Variants in POLR2F observed in about 807,000 individuals in gnomAD.
POLR2F encodes RNA polymerase II, I and III subunit F.
Under a neutral mutation model 22.7 loss-of-function variants are expected in POLR2F, and 12 were observed. The observed-to-expected ratio is 0.53, with a 90% CI of 0.34 to 0.86. The LOEUF is 0.86. Among genes scored for constraint, POLR2F ranks in the 40% least tolerant of loss-of-function variants. POLR2F has a pLI of 0.02. For synonymous variants in POLR2F, 57 were observed against 66.0 expected (o/e 0.86, Z 0.66); for missense variants, 126 against 171.5 (o/e 0.73, Z 1.48).
chr22:38,034,936 C>A (rs1428172422), intron 5 of POLR2F, among the ~76,000 whole-genome samples: 1 of 149,534 alleles, frequency 6.7e-6, no homozygotes, highest in African/African-American at 2.4e-5. Context: ...ACCCCAGCCT[C>A]CCCACCCCAC....
intron 1 of POLR2F, among the ~76,000 whole-genome samples, chr22:38,009,187 G>A (rs1313636743): frequency 6.6e-6 from 1 of 152,212 alleles, no homozygotes; most frequent in Non-Finnish European, 1.5e-5. Flanking sequence ...GAAGAGATTC[G>A]AGGGACCACC....
chr22:37,967,538 G>C lies in POLR2F; in HGVS notation c.294-87G>C, dbSNP rs1321447995. ...GAGGCTGCTCCTAAGACTTCTCTTT[G>C]CTTGTGTTTTGCACACAATCTGTTC... On this transcript the variant is annotated intron_variant, in intron 4 of 4. Transcript: ENST00000442738. 1.9e-6 allele frequency: 3 copies of C among 1,560,724 alleles called. No homozygotes were observed. In the African/African-American group the frequency reaches 4.1e-5, roughly 21 times the overall value.
At chr22:37,971,583 A>G (rs751092301), downstream of POLR2F, among the ~76,000 whole-genome samples, 52 of 152,196 alleles carry the variant, frequency 3.4e-4, 1 homozygote, top group Middle Eastern at 3.4e-3. Flanking sequence ...AGACTGTCTG[A>G]CATCCTTGGT....
At chr22:37,977,781 G>A (rs992706304) in intron 4 of POLR2F, 34 of 1,423,032 alleles carry the variant, frequency 2.4e-5, no homozygotes, top group African/African-American at 2.8e-5. Flanking sequence ...GCTCTCCCTA[G>A]AGTCCAGGGT....
rs945508640 is a variant in POLR2F at position 37,968,087 on chromosome 22, G to T, written c.*372G>T. 8.0e-6 allele frequency: 8 copies of T among 1,001,972 alleles called. No homozygotes were observed. Among genetic ancestry groups the T allele is most frequent in the Non-Finnish European group, 9.5e-6 (8 of 840,058 alleles). 62.1% of individuals were successfully genotyped at this position (1,001,972 alleles called of 1,614,324 possible). On this transcript the variant is annotated 3_prime_UTR_variant, in exon 5 of 5. Transcript: ENST00000442738. ...ACGGAAACCCCCAATTTCCTTTCCA[G>T]TGGGGACTGGCTGCAGGGGCTTCTC...
chr22:37,983,848 C>G, upstream of POLR2F: 3 of 1,308,684 alleles, frequency 2.3e-6, no homozygotes, highest in Non-Finnish European at 2.9e-6. This position sits in a 1 kb window ranked among gnomAD's most constrained non-coding sequence, Gnocchi z 9.5. Flanking sequence ...CCGGGGTCCT[C>G]GCAAAGAGTC....
In POLR2F at chr22:37,997,351, A is replaced by G. The variant is rs1179846166; in HGVS notation, c.120+11039A>G. On this transcript the variant is annotated intron_variant, in intron 1 of 2. Coordinates refer to the POLR2F transcript ENST00000333418. This position sits in a 1 kb window ranked among gnomAD's most constrained non-coding sequence, Gnocchi z 4.4. ...GGAAGCTTTTTAATTTTGACCCCACATCCCACAGTTGGTCGCTCCTGCCTC... is the reference window on the plus strand; with the variant it reads ...GGAAGCTTTTTAATTTTGACCCCACGTCCCACAGTTGGTCGCTCCTGCCTC... Among the ~76,000 whole-genome samples the G allele has an allele frequency of 6.6e-6, 1 of 150,646 alleles. No homozygotes were observed. The highest frequency in any genetic ancestry group is 2.4e-5 in the African/African-American group (1 of 40,822).
In POLR2F at chr22:38,016,591, T is replaced by C. The variant is rs1346611804; in HGVS notation, c.121-9278T>C. 6.6e-6 allele frequency among the ~76,000 whole-genome samples: 1 copy of C among 152,206 alleles called. No individual in the cohort carries two copies. The highest frequency in any genetic ancestry group is 1.5e-5 in the Non-Finnish European group (1 of 68,034). On this transcript the variant is annotated intron_variant, in intron 1 of 2. Transcript: ENST00000333418. This position sits in a 1 kb window ranked among gnomAD's most constrained non-coding sequence, Gnocchi z 4.4. ...GCTTAGAAGCAGCTGCGCGCGACGT[T>C]GACATTGTTCCCACCATTCTAAGTG...
intron 2 of POLR2F, 105 bp from the exon 3 acceptor site, chr22:37,959,241 A>G (rs1016614798): frequency 8.6e-7 from 1 of 1,168,154 alleles, no homozygotes. Context: ...TGCAGTAAGC[A>G]TTAACGGTGG....
At chr22:37,965,700 A>C (rs1240126055) in intron 3 of POLR2F, among the ~76,000 whole-genome samples, 1 of 152,222 alleles carries the variant, frequency 6.6e-6, no homozygotes, top group East Asian at 1.9e-4. Context: ...ATAAATCGAA[A>C]TATTTAGTAA....
chr22:38,029,857 C>T (rs116285212), downstream of POLR2F, among the ~76,000 whole-genome samples: 671 of 152,300 alleles, frequency 4.4e-3, 3 homozygotes, highest in African/African-American at 0.015. Context: ...CCTTCGTCCA[C>T]GCTCCCTCCC....
In POLR2F at chr22:37,997,476, C is replaced by T. The variant is rs561595410; in HGVS notation, c.120+11164C>T. ...TTTTTCTCTCCCTGATGCGTTCTCTCTGTCCCTCCCTCCATGAATTTCTCT... is the reference window on the plus strand; with the variant it reads ...TTTTTCTCTCCCTGATGCGTTCTCTTTGTCCCTCCCTCCATGAATTTCTCT... On this transcript the variant is annotated intron_variant, in intron 1 of 2. Coordinates refer to the POLR2F transcript ENST00000333418. This position sits in a 1 kb window ranked among gnomAD's most constrained non-coding sequence, Gnocchi z 4.4. Among the ~76,000 whole-genome samples the T allele has an allele frequency of 2.0e-5, 3 of 152,246 alleles. No homozygotes were observed. Among genetic ancestry groups the T allele is most frequent in the African/African-American group, 7.2e-5 (3 of 41,542 alleles).
At chr22:38,033,984 C>T (rs992028540) in intron 5 of POLR2F, among the ~76,000 whole-genome samples, 1 of 152,142 alleles carries the variant, frequency 6.6e-6, no homozygotes, top group Non-Finnish European at 1.5e-5. Flanking sequence ...CCGCCGCTGA[C>T]CCCTATTCCC....
intron 1 of POLR2F, chr22:38,025,833 A>G (rs750476631): frequency 6.0e-6 from 8 of 1,335,878 alleles, no homozygotes; most frequent in South Asian, 5.9e-5. Context: ...TTTCCTATGT[A>G]TGAAACTCAC....
At chr22:37,983,528 G>C, upstream of POLR2F, 1 of 1,610,188 alleles carries the variant, frequency 6.2e-7, no homozygotes. This position sits in a 1 kb window ranked among gnomAD's most constrained non-coding sequence, Gnocchi z 9.5. Context: ...GGGCACCAGC[G>C]TCCAGTCGTA....
chr22:37,966,294 A>C (rs1249713608), intron 3 of POLR2F, among the ~76,000 whole-genome samples: 1 of 152,116 alleles, frequency 6.6e-6, no homozygotes, highest in East Asian at 1.9e-4. Context: ...GAGTAAATAC[A>C]GGAAAGTAGC....
intron 1 of POLR2F, among the ~76,000 whole-genome samples, 169 bp from the exon 2 acceptor site, chr22:37,956,604 A>G (rs551518761): frequency 1.8e-4 from 27 of 152,020 alleles, no homozygotes; most frequent in Admixed American, 9.2e-4. Flanking sequence ...TTTAGTAGAG[A>G]TGGGGTTTTG....
intron 1 of POLR2F, among the ~76,000 whole-genome samples, chr22:38,012,662 C>T (rs1160512727): frequency 2.6e-5 from 4 of 152,166 alleles, no homozygotes; most frequent in African/African-American, 7.2e-5. Context: ...CCATATCTCC[C>T]AGGTCTCCCC....
chr22:37,959,423 C>A lies in POLR2F; in HGVS notation c.168C>A (p.Tyr56Ter). The change falls in exon 3 of 5, where the codon TAC (tyrosine) becomes TAA (stop). Residue 56 changes from tyrosine (Y) to a stop codon, truncating the protein, a stop_gained. Coordinates refer to ENST00000442738, the MANE Select transcript of POLR2F (RefSeq NM_021974.5). LOFTEE classifies it high-confidence loss of function. ...ACCAGAAGCGAATCACCACACCATA[C>A]ATGACCAAGTACGAGCGAGCCCGCG... The part of the protein sequence containing the change: ...QANQKRITTP[Y>*]MTKYERARVL... 5.0e-6 allele frequency: 8 copies of A among 1,614,170 alleles called. No homozygotes were observed. The highest frequency in any genetic ancestry group is 6.8e-6 in the Non-Finnish European group (8 of 1,180,008).
Sources: gnomAD v4.1 joint callset for allele counts (sites outside exome capture counted in the v4.1 genomes callset) on GRCh38, gnomAD v4.1.1 for gene constraint, Gnocchi (gnomAD v3.1) non-coding constraint, MANE v1.5 for transcripts, NCBI Gene and HGNC (gene_info 2026-07-23, HGNC 2026-07-21) for gene names.